ANKFY1: variants seen among roughly 807,000 people sequenced by gnomAD.
ANKFY1 encodes ankyrin repeat and FYVE domain-containing protein 1.
In ANKFY1, 47 loss-of-function variants were observed where a neutral mutation model predicts 128.3. That is an observed-to-expected ratio of 0.37 (90% confidence interval 0.29 to 0.47). The LOEUF is 0.47. Among genes scored for constraint, ANKFY1 ranks in the 20% least tolerant of loss-of-function variants. The pLI, the probability that ANKFY1 is intolerant of heterozygous loss-of-function variation, is 1.00. For missense variants in ANKFY1, 1,222 were observed against 1,510.6 expected (o/e 0.81, Z 3.17); for synonymous variants, 553 against 601.6 (o/e 0.92, Z 1.18).
chr17:4,195,454 G>C lies in ANKFY1; in HGVS notation c.1121C>G (p.Ser374Cys). 5 of 1,614,038 alleles carry C rather than the reference G, an allele frequency of 3.1e-6. No homozygotes were observed. The change falls in exon 9 of 25, where the codon TCC becomes TGC. Residue 374 changes from serine (S) to cysteine (C), a missense_variant. By Grantham distance (112) the Ser-to-Cys change is moderately radical. Transcript: ENST00000341657. ...CACATATTCATTCCCGGCCATGATG[G>C]ACACATGTAAAGGAGTCCTGCGGGA... ...DSKGRTPLHV[S>C]IMAGNEYVFS...
At chr17:4,176,997 A>G (rs2059421251) in intron 19 of ANKFY1, 129 bp downstream of exon 19, 1 of 1,014,986 alleles carries the variant, frequency 9.9e-7, no homozygotes, top group Non-Finnish European at 1.3e-6. Context: ...TGAGTGCACC[A>G]GCCTCGCTCC....
chr17:4,181,632 G>C lies in ANKFY1; in HGVS notation c.2122-260C>G, dbSNP rs1187206286. 6.6e-6 allele frequency among the ~76,000 whole-genome samples: 1 copy of C among 152,204 alleles called. No individual in the cohort carries two copies. The highest frequency in any genetic ancestry group is 2.4e-5 in the African/African-American group (1 of 41,440). On this transcript the variant is annotated intron_variant, in intron 15 of 24. Coordinates refer to ENST00000341657, the MANE Select transcript of ANKFY1 (RefSeq NM_001330063.2). The surrounding 1 kb of genome is among the most constrained non-coding windows in gnomAD (Gnocchi z 4.9). ...AGTTATGTTTAATTTGTGTCCTTTA[G>C]AGCTGAGTTCTAGAAGGGACAGAAA...
At chr17:4,217,168 AGACTTTCTC>A (rs2060234646) in intron 3 of ANKFY1, 50 bp from the exon 4 acceptor site, 1 of 1,588,968 alleles carries the variant, frequency 6.3e-7, no homozygotes, top group Admixed American at 1.7e-5. Context: ...TGACATGCTT[AGACTTTCTC>A]AAGGGATCCC....
At chr17:4,210,647 G>A (rs1361441539) in intron 4 of ANKFY1, among the ~76,000 whole-genome samples, 7 of 141,568 alleles carry the variant, frequency 4.9e-5, no homozygotes, top group African/African-American at 1.1e-4. Context: ...GGCGGAGGTT[G>A]CAGTGAGCTG....
At chr17:4,259,908 T>A (rs1293492702) in intron 1 of ANKFY1, among the ~76,000 whole-genome samples, 1 of 151,710 alleles carries the variant, frequency 6.6e-6, no homozygotes, top group Non-Finnish European at 1.5e-5. Flanking sequence ...AGACACTGAG[T>A]GAATAAAGTG....
intron 1 of ANKFY1, chr17:4,263,489 A>AACCC: frequency 9.2e-7 from 1 of 1,088,560 alleles, no homozygotes. Context: ...CCTCACCCCA[A>AACCC]CCCAGCCCGA....
chr17:4,224,610 A>C (rs1207329062), intron 3 of ANKFY1, among the ~76,000 whole-genome samples: 1 of 152,184 alleles, frequency 6.6e-6, no homozygotes, highest in African/African-American at 2.4e-5. Flanking sequence ...AGAGGAAAAA[A>C]AATTTTTTTT....
chr17:4,255,536 C>A (rs972658790), intron 1 of ANKFY1, among the ~76,000 whole-genome samples: 12 of 152,114 alleles, frequency 7.9e-5, no homozygotes, highest in Non-Finnish European at 2.9e-5. Flanking sequence ...AGGCATAAGC[C>A]ACCGTGCCCA....
chr17:4,223,794 TCA>T (rs2060370561), intron 3 of ANKFY1: 7 of 1,502,870 alleles, frequency 4.7e-6, no homozygotes, highest in Admixed American at 3.6e-5. Flanking sequence ...GTACAGTGTC[TCA>T]CAGTTTCATG....
rs1050616086 is a variant in ANKFY1 at position 4,178,763 on chromosome 17, A to G, written c.2598+94T>C. 29 of 1,249,030 alleles carry G rather than the reference A, an allele frequency of 2.3e-5. No individual in the cohort carries two copies. In the African/African-American group the frequency reaches 4.1e-4, roughly 18 times the overall value. 77.4% of individuals were successfully genotyped at this position (1,249,030 alleles called of 1,614,324 possible). A position where few individuals can be genotyped will look rare whatever the true frequency, so the allele number is the denominator to read the frequency against. On this transcript the variant is annotated intron_variant, in intron 18 of 24. Transcript: ENST00000341657. This position sits in a 1 kb window ranked among gnomAD's most constrained non-coding sequence, Gnocchi z 4.1. ...ACAACTTCAAAACAAAGCTCTTTCC[A>G]TGAGGAGACCTGTTTAGTCGGTGAC... is the stretch of plus-strand genomic sequence containing the variant.
At chr17:4,219,063 G>C (rs1427096010) in intron 3 of ANKFY1, among the ~76,000 whole-genome samples, 1 of 151,978 alleles carries the variant, frequency 6.6e-6, no homozygotes, top group Non-Finnish European at 1.5e-5. Flanking sequence ...ATCAACCCAG[G>C]TGGAATTTAT....
At chr17:4,195,583 A>T in intron 8 of ANKFY1, 112 bp from the exon 9 acceptor site, 1 of 799,616 alleles carries the variant, frequency 1.3e-6, no homozygotes, top group South Asian at 1.5e-5. Flanking sequence ...GAAATCCCAC[A>T]TTTCTACAAG....
At position 4,176,620 on chromosome 17, in the gene ANKFY1, A is replaced by C. The variant is rs112926016; in HGVS notation, c.2775+506T>G. On this transcript the variant is annotated intron_variant, in intron 19 of 24. Coordinates refer to ENST00000341657, the MANE Select transcript of ANKFY1 (RefSeq NM_001330063.2). ...TGCACTTCCCAATCTCCACATCTTT[A>C]CTGAGACCCTCCCCGGCCTGGGTGG... 9.3e-4 allele frequency among the ~76,000 whole-genome samples: 142 copies of C among 152,262 alleles called. 1 individual carries two copies. Among genetic ancestry groups the C allele is most frequent in the African/African-American group, 3.2e-3 (135 of 41,540 alleles).
chr17:4,170,595 A>C, intron 23 of ANKFY1, 120 bp downstream of exon 23: 2 of 1,380,828 alleles, frequency 1.4e-6, no homozygotes, highest in Non-Finnish European at 2.0e-6. Flanking sequence ...AGCTACTGCC[A>C]GGAAACGAGC....
intron 1 of ANKFY1, among the ~76,000 whole-genome samples, chr17:4,258,951 C>T (rs536991588): frequency 2.0e-5 from 3 of 152,150 alleles, no homozygotes; most frequent in African/African-American, 7.2e-5. Flanking sequence ...ACATTTTTTT[C>T]AATTTTTACT....
At chr17:4,228,448 A>C (rs1027551489) in intron 3 of ANKFY1, among the ~76,000 whole-genome samples, 1 of 150,680 alleles carries the variant, frequency 6.6e-6, no homozygotes, top group Non-Finnish European at 1.5e-5. Context: ...ACAGAGTCTC[A>C]CTCTGTCGTC....
chr17:4,195,566 C>A (rs936337124), intron 8 of ANKFY1, 95 bp from the exon 9 acceptor site: 16 of 916,498 alleles, frequency 1.7e-5, no homozygotes, highest in Non-Finnish European at 2.6e-5. Context: ...AGAATCACCA[C>A]CCGCAAGAAA....
intron 17 of ANKFY1, 105 bp from the exon 18 acceptor site, chr17:4,179,162 CAAT>C: frequency 8.3e-7 from 1 of 1,211,090 alleles, no homozygotes; most frequent in East Asian, 2.4e-5. Flanking sequence ...GAGAATCGAT[CAAT>C]ACTACCACCC....
At chr17:4,262,311 G>C (rs1389320260) in intron 1 of ANKFY1, among the ~76,000 whole-genome samples, 1 of 152,086 alleles carries the variant, frequency 6.6e-6, no homozygotes, top group Non-Finnish European at 1.5e-5. Context: ...CTCCAGGCTG[G>C]AGTGCAGTAG....
Sources: gnomAD v4.1 joint callset for allele counts (sites outside exome capture counted in the v4.1 genomes callset) on GRCh38, gnomAD v4.1.1 for gene constraint, Gnocchi (gnomAD v3.1) non-coding constraint, MANE v1.5 for transcripts, NCBI Gene and HGNC (gene_info 2026-07-23, HGNC 2026-07-21) for gene names.